Variants in SPATA13 observed in about 807,000 individuals in gnomAD.
SPATA13 encodes the protein spermatogenesis associated 13.
Under a neutral mutation model 104.0 loss-of-function variants are expected in SPATA13, and 50 were observed. That is an observed-to-expected ratio of 0.48 (90% CI 0.38 to 0.61). The LOEUF is 0.61. SPATA13 is among the 20% of genes least tolerant of loss of function. The probability of loss-of-function intolerance (pLI) is 0.00; values close to 1 mark genes in which losing one functional copy is unlikely to be tolerated. For synonymous variants in SPATA13, 606 were observed against 667.5 expected (o/e 0.91, Z 1.42); for missense variants, 1,524 against 1,690.6 (o/e 0.90, Z 1.73).
chr13:23,991,946 C>T (rs1230800615), intron 2 of SPATA13, among the ~76,000 whole-genome samples: 2 of 152,190 alleles, frequency 1.3e-5, no homozygotes, highest in African/African-American at 2.4e-5. Flanking sequence ...GAAGAGGACA[C>T]GGTGATGAAG....
intron 2 of SPATA13, among the ~76,000 whole-genome samples, chr13:24,008,354 C>CTCCT (rs1209672786): frequency 6.6e-6 from 1 of 152,232 alleles, no homozygotes; most frequent in Non-Finnish European, 1.5e-5. Flanking sequence ...AAAGCCTTGA[C>CTCCT]TCCTTGTCCA....
At chr13:24,225,091 G>A (rs1593437038) in intron 2 of SPATA13, among the ~76,000 whole-genome samples, 1 of 152,238 alleles carries the variant, frequency 6.6e-6, no homozygotes, top group African/African-American at 2.4e-5. Context: ...CAGTGCCTCT[G>A]CTTGAGTTTT....
Position 24,249,584 on chromosome 13 carries a change from T to C in SPATA13, c.1761T>C (p.Pro587=), listed in dbSNP as rs1183168020. 6.2e-7 allele frequency: 1 copy of C among 1,613,888 alleles called. No individual in the cohort carries two copies. Among genetic ancestry groups the C allele is most frequent in the African/African-American group, 1.3e-5 (1 of 74,920 alleles). The part of the protein sequence containing the change: ...RRWGSGRRPR[P]RPFSDYGQLA... ...GGGGCTCTGGGAGACGGCCAAGGCC[T>C]CGGCCATTCTCTGACTACGGCCAGC... Residue 587 remains proline (P), a synonymous_variant, in exon 3 of 13, where the codon CCT becomes CCC. Transcript: ENST00000382108.
chr13:24,285,476 T>C (rs1244904114), intron 5 of SPATA13, among the ~76,000 whole-genome samples: 4 of 152,084 alleles, frequency 2.6e-5, no homozygotes, highest in Non-Finnish European at 5.9e-5. Flanking sequence ...GAGCAGCTAG[T>C]ACTTTTTTAA....
intron 1 of SPATA13, among the ~76,000 whole-genome samples, chr13:24,193,073 A>G (rs1247282751): frequency 6.6e-6 from 1 of 152,350 alleles, no homozygotes; most frequent in East Asian, 1.9e-4. Context: ...AGCTTGACAC[A>G]TAATCCAGGA....
intron 3 of SPATA13, among the ~76,000 whole-genome samples, chr13:24,111,708 C>T (rs376697326): frequency 4.6e-5 from 7 of 152,312 alleles, no homozygotes; most frequent in East Asian, 1.9e-4. Context: ...GCCCGGCCTG[C>T]GTCCATATTT....
intron 3 of SPATA13, among the ~76,000 whole-genome samples, chr13:24,152,090 G>A (rs1882114848): frequency 6.6e-6 from 1 of 152,200 alleles, no homozygotes; most frequent in Admixed American, 6.5e-5. Context: ...TCAGGCTGCT[G>A]TAACAAAATA....
Position 24,066,035 on chromosome 13 carries a change from A to T in SPATA13, c.-112+48334A>T, listed in dbSNP as rs528053443. Among the ~76,000 whole-genome samples, 4 of 152,356 alleles carry T rather than the reference A, an allele frequency of 2.6e-5. No individual in the cohort carries two copies. The East Asian group carries it at 7.7e-4, about 29-fold the overall frequency. On this transcript the variant is annotated intron_variant, in intron 3 of 14. Transcript: ENST00000424834. ...GCACGCCTGAAGCATTTGCCTAATA[A>T]TGCCAAGTACATAGTATGTGTGAAA...
At chr13:24,200,091 C>A (rs1870311414) in intron 1 of SPATA13, among the ~76,000 whole-genome samples, 1 of 152,194 alleles carries the variant, frequency 6.6e-6, no homozygotes, top group Admixed American at 6.5e-5. Context: ...CTATTATTCT[C>A]TTTGCCAGAC....
In SPATA13 at chr13:24,037,924, T is replaced by A. The variant is rs1007456863; in HGVS notation, c.-112+20223T>A. On this transcript the variant is annotated intron_variant, in intron 3 of 14. Transcript: ENST00000424834. ...TTAGTAACAACTAGACTAGATTTTT[T>A]TTTTTGAAATGGAGTCTCGCTCTGT... 4.9e-4 allele frequency among the ~76,000 whole-genome samples: 74 copies of A among 151,982 alleles called. No individual in the cohort carries two copies. The Middle Eastern group carries it at 0.014, about 28-fold the overall frequency.
chr13:24,048,833 A>G (rs1878239048), intron 3 of SPATA13, among the ~76,000 whole-genome samples: 1 of 152,204 alleles, frequency 6.6e-6, no homozygotes, highest in South Asian at 2.1e-4. Flanking sequence ...CCTTGTAGCA[A>G]ATTTATCGCA....
intron 1 of SPATA13, among the ~76,000 whole-genome samples, chr13:24,180,139 C>T (rs574060305): frequency 3.3e-5 from 5 of 152,228 alleles, no homozygotes; most frequent in Non-Finnish European, 5.9e-5. Flanking sequence ...ATAGTTTCAG[C>T]TCTTAGATTT....
chr13:24,294,931 G>A, intron 10 of SPATA13, 63 bp downstream of exon 10: 4 of 1,525,648 alleles, frequency 2.6e-6, no homozygotes, highest in Admixed American at 3.5e-5. Context: ...TTGATCTGGT[G>A]CAGATGCACT....
At chr13:24,204,241 C>G (rs919430630) in intron 1 of SPATA13, among the ~76,000 whole-genome samples, 18 of 152,150 alleles carry the variant, frequency 1.2e-4, no homozygotes, top group African/African-American at 4.1e-4. Context: ...TCCAGAGTCT[C>G]TGTTACTGTT....
chr13:24,081,307 G>A (rs1368659648), intron 3 of SPATA13, among the ~76,000 whole-genome samples: 1 of 152,048 alleles, frequency 6.6e-6, no homozygotes, highest in Non-Finnish European at 1.5e-5. Flanking sequence ...ATCTATATGA[G>A]GCCCTTCTCT....
intron 2 of SPATA13, among the ~76,000 whole-genome samples, chr13:24,010,058 G>GT (rs1222015356): frequency 2.0e-5 from 3 of 152,170 alleles, no homozygotes; most frequent in Non-Finnish European, 4.4e-5. Flanking sequence ...TCAAATACAT[G>GT]TAAGATGTAC....
rs779237133 is a variant in SPATA13, at chr13:24,011,859, G to T, written c.-146-5808G>T. Among the ~76,000 whole-genome samples the T allele has an allele frequency of 1.6e-4, 25 of 152,164 alleles. No individual in the cohort carries two copies. Among genetic ancestry groups the T allele is most frequent in the Non-Finnish European group, 3.2e-4 (22 of 68,020 alleles). ...GCCCACCTGCACAGGCAAACTTGGGGGACCATGAGGGATGATCCCACAGAC... is the reference window on the plus strand; with the variant it reads ...GCCCACCTGCACAGGCAAACTTGGGTGACCATGAGGGATGATCCCACAGAC... On this transcript the variant is annotated intron_variant, in intron 2 of 14. Transcript: ENST00000424834. The surrounding 1 kb of genome is among the most constrained non-coding windows in gnomAD (Gnocchi z 4.3).
intron 3 of SPATA13, among the ~76,000 whole-genome samples, chr13:24,018,837 A>T (rs1490085645): frequency 6.6e-6 from 1 of 152,222 alleles, no homozygotes; most frequent in African/African-American, 2.4e-5. Context: ...ATACGAGTGG[A>T]TTATCAGTCA....
At chr13:24,203,785 C>A (rs1462652346) in intron 1 of SPATA13, among the ~76,000 whole-genome samples, 3 of 152,096 alleles carry the variant, frequency 2.0e-5, no homozygotes, top group Non-Finnish European at 4.4e-5. Context: ...TTTTTGTAGT[C>A]TCTCCCACAG....
Sources: gnomAD v4.1 joint callset for allele counts (sites outside exome capture counted in the v4.1 genomes callset) on GRCh38, gnomAD v4.1.1 for gene constraint, Gnocchi (gnomAD v3.1) non-coding constraint, MANE v1.5 for transcripts, NCBI Gene and HGNC (gene_info 2026-07-23, HGNC 2026-07-21) for gene names.